Variants in AUTS2 observed in about 807,000 individuals in gnomAD.
AUTS2 encodes the protein activator of transcription and developmental regulator AUTS2, also known as autism susceptibility gene 2 protein.
In AUTS2, 17 loss-of-function variants were observed where a neutral mutation model predicts 112.4. That is an observed-to-expected ratio of 0.15 (90% CI 0.10 to 0.23). AUTS2 has a LOEUF of 0.23. AUTS2 is among the 10% of genes least tolerant of loss of function. The pLI is 1.00. For synonymous variants in AUTS2, 751 were observed against 702.7 expected, an observed-to-expected ratio of 1.07 and a Z score of -1.09; for missense variants, 1,510 against 1,701.6, an observed-to-expected ratio of 0.89 and a Z score of 1.98.
At chr7:70,206,523 A>G (rs1177889932) in intron 4 of AUTS2, among the ~76,000 whole-genome samples, 1 of 152,176 alleles carries the variant, frequency 6.6e-6, no homozygotes, top group South Asian at 2.1e-4. Context: ...TCAGCCTCTT[A>G]AGTAACCTGG....
intron 1 of AUTS2, among the ~76,000 whole-genome samples, chr7:69,714,291 A>G (rs1463254738): frequency 2.5e-5 from 3 of 119,570 alleles, no homozygotes; most frequent in African/African-American, 1.1e-4. Flanking sequence ...GTGTGTGTGT[A>G]GAGACCAAGT....
chr7:69,695,790 A>C (rs1421863673), intron 1 of AUTS2, among the ~76,000 whole-genome samples: 1 of 152,160 alleles, frequency 6.6e-6, no homozygotes, highest in Non-Finnish European at 1.5e-5. Flanking sequence ...TTTGACCAAA[A>C]TTACTCTAAT....
Position 70,631,678 on chromosome 7 carries a change from C to G in AUTS2, c.691-66891C>G, listed in dbSNP as rs139450376. Among the ~76,000 whole-genome samples the G allele has an allele frequency of 6.6e-6, 1 of 152,048 alleles. No homozygotes were observed. Among genetic ancestry groups the G allele is most frequent in the East Asian group, 1.9e-4 (1 of 5,178 alleles). On this transcript the variant is annotated intron_variant, in intron 5 of 18. Transcript: ENST00000342771. The surrounding 1 kb of genome is among the most constrained non-coding windows in gnomAD (Gnocchi z 4.5). ...CGAAGAAATGGGTGTGCAGAGAATACAGTCAGCACCATTTATAGCCCCATG... is the reference window on the plus strand; with the variant it reads ...CGAAGAAATGGGTGTGCAGAGAATAGAGTCAGCACCATTTATAGCCCCATG...
intron 2 of AUTS2, among the ~76,000 whole-genome samples, chr7:70,003,792 G>T: frequency 1.0e-5 from 1 of 99,498 alleles, no homozygotes; most frequent in East Asian, 2.7e-4. Flanking sequence ...TGTTATATAT[G>T]AATATATATA....
chr7:69,760,623 C>G (rs1234619392), intron 1 of AUTS2, among the ~76,000 whole-genome samples: 3 of 152,090 alleles, frequency 2.0e-5, no homozygotes. Flanking sequence ...GAGTTTGAGA[C>G]CAGCCTGACC....
chr7:70,771,510 A>C (rs772196841), intron 10 of AUTS2, 39 bp from the exon 11 acceptor site: 4 of 1,536,882 alleles, frequency 2.6e-6, no homozygotes, highest in Non-Finnish European at 3.6e-6. Context: ...CTTGCCTCCT[A>C]CTAAAATCTT....
At position 70,781,872 on chromosome 7, in the gene AUTS2, A is replaced by T. The variant is rs1041040872; in HGVS notation, c.2146+116A>T. 3.6e-6 allele frequency: 5 copies of T among 1,371,420 alleles called. No individual in the cohort carries two copies. In the Admixed American group the frequency reaches 9.5e-5, roughly 26 times the overall value. 85.0% of individuals were successfully genotyped at this position (1,371,420 alleles called of 1,614,324 possible). A position where few individuals can be genotyped will look rare whatever the true frequency, so the allele number is the denominator to read the frequency against. On this transcript the variant is annotated intron_variant, in intron 15 of 18. Coordinates refer to ENST00000342771, the MANE Select transcript of AUTS2 (RefSeq NM_015570.4). The stretch of plus-strand genomic sequence containing the variant: ...AGTCACCACCTACAAAAATACAGTT[A>T]ATGCCAGCTTGCAAGGCAACATCGC...
intron 1 of AUTS2, among the ~76,000 whole-genome samples, chr7:69,727,601 TAAAAA>T (rs564683867): frequency 2.0e-5 from 3 of 151,702 alleles, no homozygotes; most frequent in Non-Finnish European, 2.9e-5. Flanking sequence ...AAAATAAAAA[TAAAAA>T]AAATAAAAAA....
chr7:70,294,681 G>A (rs1468604464), intron 4 of AUTS2, among the ~76,000 whole-genome samples: 1 of 152,172 alleles, frequency 6.6e-6, no homozygotes, highest in Non-Finnish European at 1.5e-5. Context: ...TTGGACAGGC[G>A]AATATGAGCA....
At chr7:69,606,630 G>A (rs1409423612) in intron 1 of AUTS2, among the ~76,000 whole-genome samples, 1 of 151,950 alleles carries the variant, frequency 6.6e-6, no homozygotes, top group East Asian at 1.9e-4. Flanking sequence ...CCAATATGCT[G>A]CAGATGTAGG....
chr7:69,617,347 G>C (rs1793436616), intron 1 of AUTS2, among the ~76,000 whole-genome samples: 1 of 152,180 alleles, frequency 6.6e-6, no homozygotes, highest in South Asian at 2.1e-4. Flanking sequence ...GTTAGATAAG[G>C]CTCCTCTGAG....
chr7:70,433,615 A>G (rs113637537), intron 4 of AUTS2, among the ~76,000 whole-genome samples: 44 of 152,316 alleles, frequency 2.9e-4, no homozygotes, highest in Non-Finnish European at 2.1e-4. Context: ...ATCAGGTCAA[A>G]GAATGTAAAT....
chr7:69,604,298 G>A (rs1583923438), intron 1 of AUTS2, among the ~76,000 whole-genome samples: 1 of 152,160 alleles, frequency 6.6e-6, no homozygotes, highest in Non-Finnish European at 1.5e-5. Context: ...CACTTTAGTT[G>A]TTTAAAAAAC....
intron 4 of AUTS2, among the ~76,000 whole-genome samples, chr7:70,324,173 G>A (rs74729109): frequency 0.015 from 2,216 of 152,264 alleles, 21 homozygotes; most frequent in Middle Eastern, 0.037. Context: ...AAACTAGGCC[G>A]TACATTTTGG....
intron 1 of AUTS2, among the ~76,000 whole-genome samples, chr7:69,670,186 C>G (rs1796251612): frequency 1.3e-5 from 2 of 152,100 alleles, no homozygotes; most frequent in African/African-American, 4.8e-5. Context: ...CTGACTAGAA[C>G]AGAAATGGAA....
At chr7:70,378,224 TA>T (rs1793206785) in intron 4 of AUTS2, among the ~76,000 whole-genome samples, 1 of 152,224 alleles carries the variant, frequency 6.6e-6, no homozygotes, top group African/African-American at 2.4e-5. Flanking sequence ...ACATTTTCTC[TA>T]TTGTGAATAA....
At chr7:69,616,945 G>A (rs1793414480) in intron 1 of AUTS2, among the ~76,000 whole-genome samples, 1 of 152,152 alleles carries the variant, frequency 6.6e-6, no homozygotes, top group Non-Finnish European at 1.5e-5. Context: ...GACAGCTTCT[G>A]TGTGCTAGGC....
chr7:70,022,818 C>G (rs1800333950), intron 2 of AUTS2, among the ~76,000 whole-genome samples: 1 of 151,926 alleles, frequency 6.6e-6, no homozygotes, highest in Admixed American at 6.6e-5. Flanking sequence ...TTTGTACAGG[C>G]AACCCTCTAA....
chr7:69,783,065 C>T (rs1789211390), intron 1 of AUTS2, among the ~76,000 whole-genome samples: 2 of 151,584 alleles, frequency 1.3e-5, no homozygotes, highest in South Asian at 2.1e-4. Flanking sequence ...TCCCTTTGAC[C>T]CTCTCAAGAG....
Sources: gnomAD v4.1 joint callset for allele counts (sites outside exome capture counted in the v4.1 genomes callset) on GRCh38, gnomAD v4.1.1 for gene constraint, Gnocchi (gnomAD v3.1) non-coding constraint, MANE v1.5 for transcripts, NCBI Gene and HGNC (gene_info 2026-07-23, HGNC 2026-07-21) for gene names.